ADORA2B: variants seen among roughly 807,000 people sequenced by gnomAD.
The protein encoded by ADORA2B is adenosine A2b receptor.
A neutral mutation model predicts 20.8 loss-of-function variants in ADORA2B; 18 were observed. The ratio of observed to expected loss-of-function variants is 0.87; its 90% CI spans 0.60 to 1.29. The LOEUF (loss-of-function observed/expected upper bound fraction) is 1.29, where lower values mean the gene tolerates loss of function less well. Ranked by LOEUF, ADORA2B falls within the 50% of genes most tolerant of loss-of-function variation. The probability of loss-of-function intolerance (pLI) is 0.00; values close to 1 mark genes in which losing one functional copy is unlikely to be tolerated. For missense variants in ADORA2B, 441 were observed against 422.7 expected (o/e 1.04, Z -0.38); for synonymous variants, 179 against 178.3 (o/e 1.00, Z -0.03).
the ADORA2B span, among the ~76,000 whole-genome samples, chr17:15,938,800 G>T: frequency 4.6e-5 from 7 of 152,152 alleles, no homozygotes; most frequent in Non-Finnish European, 1.0e-4. Flanking sequence ...AGTATCACTT[G>T]GTTAACAATC....
the ADORA2B span, among the ~76,000 whole-genome samples, chr17:15,900,906 C>A: frequency 6.6e-6 from 1 of 152,184 alleles, no homozygotes; most frequent in Non-Finnish European, 1.5e-5. Flanking sequence ...GAGCAATTCC[C>A]CACAGAAAGA....
At chr17:15,888,295 T>C in the ADORA2B span, among the ~76,000 whole-genome samples, 1 of 129,536 alleles carries the variant, frequency 7.7e-6, no homozygotes, top group African/African-American at 3.3e-5. Flanking sequence ...TGCCATCTGC[T>C]CCTTGGTCAC....
At chr17:15,871,559 A>G in the ADORA2B span, among the ~76,000 whole-genome samples, 10 of 152,188 alleles carry the variant, frequency 6.6e-5, no homozygotes, top group Admixed American at 5.2e-4. Context: ...AGAGGGGCTC[A>G]CGGTTCTGAA....
chr17:15,941,416 C>T (rs903234992), upstream of ADORA2B, among the ~76,000 whole-genome samples: 1 of 152,210 alleles, frequency 6.6e-6, no homozygotes, highest in African/African-American at 2.4e-5. Context: ...GCTCTGCTCC[C>T]TGCACACCAA....
At chr17:15,855,457 A>G in the ADORA2B span, among the ~76,000 whole-genome samples, 11 of 152,258 alleles carry the variant, frequency 7.2e-5, no homozygotes, top group Admixed American at 6.5e-4. Context: ...TAAGTGAAAG[A>G]AGCAAAACGG....
the ADORA2B span, among the ~76,000 whole-genome samples, chr17:15,932,299 C>CCTGG: frequency 2.0e-5 from 3 of 151,792 alleles, no homozygotes; most frequent in Admixed American, 6.6e-5. Flanking sequence ...TCGAGACCAG[C>CCTGG]CTGGCCAACA....
At chr17:15,903,051 G>A in the ADORA2B span, among the ~76,000 whole-genome samples, 26 of 152,176 alleles carry the variant, frequency 1.7e-4, no homozygotes, top group African/African-American at 6.3e-4. Context: ...AATGTATCTT[G>A]TGTTTCACAA....
chr17:15,912,879 G>A, the ADORA2B span, among the ~76,000 whole-genome samples: 1 of 152,218 alleles, frequency 6.6e-6, no homozygotes, highest in South Asian at 2.1e-4. Context: ...GACATTTCGA[G>A]CCTGGGCTGT....
chr17:15,912,626 C>G, the ADORA2B span, among the ~76,000 whole-genome samples: 2 of 152,214 alleles, frequency 1.3e-5, no homozygotes, highest in Non-Finnish European at 2.9e-5. Context: ...GGAGATACCA[C>G]GTCTCGTTTG....
At chr17:15,932,436 T>C in the ADORA2B span, among the ~76,000 whole-genome samples, 1 of 146,872 alleles carries the variant, frequency 6.8e-6, no homozygotes, top group Non-Finnish European at 1.5e-5. Flanking sequence ...GAGGTTACAG[T>C]GAGCTAAGAT....
At chr17:15,850,403 C>CCTCTCATTTCTCCA in the ADORA2B span, 1 of 152,176 alleles carries the variant, frequency 6.6e-6, no homozygotes, top group Non-Finnish European at 1.5e-5. Flanking sequence ...CTCCTCCTCC[C>CCTCTCATTTCTCCA]CTCTCATTTC....
the ADORA2B span, among the ~76,000 whole-genome samples, chr17:15,879,698 C>A: frequency 2.0e-5 from 3 of 149,476 alleles, no homozygotes; most frequent in South Asian, 6.3e-4. Flanking sequence ...CCACCACGCC[C>A]GGCTAATTTT....
At chr17:15,891,260 C>CT in the ADORA2B span, among the ~76,000 whole-genome samples, 2 of 152,136 alleles carry the variant, frequency 1.3e-5, no homozygotes, top group Non-Finnish European at 2.9e-5. Context: ...GAGTGAGACT[C>CT]TGTCTCAAAA....
the ADORA2B span, among the ~76,000 whole-genome samples, chr17:15,933,329 G>C: frequency 1.3e-5 from 2 of 152,126 alleles, no homozygotes; most frequent in Non-Finnish European, 2.9e-5. Context: ...GGATCAGCTT[G>C]TCAATTTTTG....
chr17:15,863,108 C>G, the ADORA2B span, among the ~76,000 whole-genome samples: 67 of 152,094 alleles, frequency 4.4e-4, no homozygotes, highest in African/African-American at 1.5e-3. Flanking sequence ...TTTAAATAAT[C>G]AAAAGAGGTT....
upstream of ADORA2B, among the ~76,000 whole-genome samples, chr17:15,940,680 G>A (rs190311324): frequency 3.9e-5 from 6 of 152,238 alleles, no homozygotes; most frequent in Admixed American, 6.5e-5. Context: ...AAGTTTATTC[G>A]GAGGGTAACA....
the ADORA2B span, among the ~76,000 whole-genome samples, chr17:15,918,821 A>G: frequency 6.6e-6 from 1 of 152,074 alleles, no homozygotes; most frequent in Non-Finnish European, 1.5e-5. Context: ...TTTGGGACAG[A>G]CTCAGGAATT....
chr17:15,897,577 AC>A, the ADORA2B span, among the ~76,000 whole-genome samples: 1 of 152,082 alleles, frequency 6.6e-6, no homozygotes, highest in Admixed American at 6.6e-5. Flanking sequence ...CAAAAACAAA[AC>A]AAAACCCCCC....
chr17:15,965,611 CT>C (rs1451905734), intron 1 of ADORA2B, among the ~76,000 whole-genome samples: 2 of 152,238 alleles, frequency 1.3e-5, no homozygotes, highest in Admixed American at 6.5e-5. Context: ...GTGATTTTGC[CT>C]AGGCAAAGGA....
Sources: gnomAD v4.1 joint callset for allele counts (sites outside exome capture counted in the v4.1 genomes callset) on GRCh38, gnomAD v4.1.1 for gene constraint, MANE v1.5 for transcripts, NCBI Gene and HGNC (gene_info 2026-07-23, HGNC 2026-07-21) for gene names.